Variants in RAB38 observed in about 807,000 individuals in gnomAD.
RAB38 encodes RAB38, member RAS oncogene family.
Under a neutral mutation model 18.4 loss-of-function variants are expected in RAB38, and 15 were observed. That is an observed-to-expected ratio of 0.82 (90% CI 0.55 to 1.26). RAB38 has a LOEUF of 1.26. Among genes scored for constraint, RAB38 ranks in the 50% most tolerant of loss-of-function variants. The pLI is 0.00. For synonymous variants in RAB38, 101 were observed against 104.4 expected, an observed-to-expected ratio of 0.97 and a Z score of 0.20; for missense variants, 294 against 267.4, an observed-to-expected ratio of 1.10 and a Z score of -0.69.
intron 2 of RAB38, among the ~76,000 whole-genome samples, chr11:88,118,298 C>T (rs1241932780): frequency 6.6e-6 from 1 of 152,158 alleles, no homozygotes; most frequent in Non-Finnish European, 1.5e-5. Flanking sequence ...TTCTATATAC[C>T]AATCAGGTCA....
chr11:87,966,771 C>G, the RAB38 span, among the ~76,000 whole-genome samples: 7 of 152,174 alleles, frequency 4.6e-5, no homozygotes, highest in African/African-American at 1.7e-4. Flanking sequence ...ACATTAAGTA[C>G]ATAATTTTAT....
At chr11:88,027,726 C>G in the RAB38 span, among the ~76,000 whole-genome samples, 2 of 152,210 alleles carry the variant, frequency 1.3e-5, no homozygotes, top group Admixed American at 6.5e-5. Flanking sequence ...TGGGAAGCTC[C>G]AACTGGGTGG....
At chr11:88,170,530 A>C (rs1048469928) in intron 1 of RAB38, among the ~76,000 whole-genome samples, 22 of 152,198 alleles carry the variant, frequency 1.4e-4, no homozygotes, top group African/African-American at 5.3e-4. Flanking sequence ...CAACATAACA[A>C]TGTGACCCAA....
chr11:87,970,847 G>T, the RAB38 span, among the ~76,000 whole-genome samples: 2 of 152,046 alleles, frequency 1.3e-5, no homozygotes, highest in Admixed American at 6.6e-5. Flanking sequence ...CCTTACATTT[G>T]GGGCTTTTGT....
the RAB38 span, among the ~76,000 whole-genome samples, chr11:87,948,600 C>G: frequency 1.3e-5 from 2 of 151,992 alleles, no homozygotes; most frequent in African/African-American, 4.8e-5. Context: ...GAGTTTTTAG[C>G]ATGAAGGGTT....
chr11:87,819,740 ATATATATATACGTGTATG>A, the RAB38 span, among the ~76,000 whole-genome samples: 5 of 129,578 alleles, frequency 3.9e-5, no homozygotes, highest in Non-Finnish European at 6.3e-5. Flanking sequence ...ATATGTGTAT[ATATATATATACGTGTATG>A]TATATATATG....
At chr11:88,035,021 C>A in the RAB38 span, among the ~76,000 whole-genome samples, 2,599 of 152,282 alleles carry the variant, frequency 0.017, 73 homozygotes, top group African/African-American at 0.06. Context: ...ATAACACTTT[C>A]TCTGGATGTG....
the RAB38 span, among the ~76,000 whole-genome samples, chr11:87,969,201 C>T: frequency 6.6e-6 from 1 of 152,048 alleles, no homozygotes; most frequent in East Asian, 1.9e-4. Context: ...AGGGCCTTTT[C>T]CAACTCGATA....
the RAB38 span, among the ~76,000 whole-genome samples, chr11:87,937,642 A>G: frequency 1.3e-5 from 2 of 151,860 alleles, no homozygotes; most frequent in Non-Finnish European, 2.9e-5. Flanking sequence ...TCTATTTTGT[A>G]TTAGGCGAGT....
chr11:88,105,453 G>T, the RAB38 span, among the ~76,000 whole-genome samples: 2 of 152,088 alleles, frequency 1.3e-5, no homozygotes, highest in Non-Finnish European at 2.9e-5. Context: ...CTGAACAAAT[G>T]AACAACAACA....
chr11:88,175,258 C>A lies in RAB38; in HGVS notation c.127G>T (p.Gly43Cys). 6.2e-7 allele frequency: 1 copy of A among 1,614,150 alleles called. No individual in the cohort carries two copies. Among genetic ancestry groups the A allele is most frequent in the Non-Finnish European group, 8.5e-7 (1 of 1,180,016 alleles). Residue 43 changes from glycine to cysteine, a missense_variant, in exon 1 of 3, where the codon GGC becomes TGC. By Grantham distance (159) the Gly-to-Cys change is radical. Coordinates refer to ENST00000243662, the MANE Select transcript of RAB38 (RefSeq NM_022337.3). ...AGCACCTTGAGCGCGAAGTCCACGCCGATTGTGGCCCGGTAGTGCGAAGAG... is the reference window on the plus strand; with the variant it reads ...AGCACCTTGAGCGCGAAGTCCACGCAGATTGTGGCCCGGTAGTGCGAAGAG... ...NFSSHYRATI[G>C]VDFALKVLHW...
intron 1 of RAB38, among the ~76,000 whole-genome samples, chr11:88,153,890 T>A (rs1175857439): frequency 6.6e-6 from 1 of 152,212 alleles, no homozygotes; most frequent in African/African-American, 2.4e-5. Context: ...AGATAGTGCA[T>A]AAAGACCAAT....
chr11:88,046,655 G>A, the RAB38 span, among the ~76,000 whole-genome samples: 1 of 152,142 alleles, frequency 6.6e-6, no homozygotes, highest in Admixed American at 6.5e-5. Context: ...TCTCCCTGCA[G>A]ATCGTGTCTG....
At chr11:88,086,978 TG>T in the RAB38 span, among the ~76,000 whole-genome samples, 34,172 of 151,784 alleles carry the variant, frequency 0.23, 4,959 homozygotes, top group African/African-American at 0.4. Context: ...GGGGACAAAT[TG>T]GAGGACGGCA....
At chr11:87,953,839 G>C in the RAB38 span, among the ~76,000 whole-genome samples, 1 of 151,268 alleles carries the variant, frequency 6.6e-6, no homozygotes, top group East Asian at 1.9e-4. Flanking sequence ...GCCCAAGATG[G>C]AATCTGTGTT....
chr11:87,977,081 A>C, the RAB38 span, among the ~76,000 whole-genome samples: 1 of 12,096 alleles, frequency 8.3e-5, no homozygotes, highest in African/African-American at 2.6e-4. Context: ...AAATATAATT[A>C]TATTATACAA....
chr11:88,134,903 C>T (rs537893245), intron 2 of RAB38, among the ~76,000 whole-genome samples: 1 of 152,178 alleles, frequency 6.6e-6, no homozygotes, highest in Admixed American at 6.5e-5. Context: ...CAGGACATCA[C>T]CTCTCTGACC....
At chr11:87,825,404 G>T in the RAB38 span, among the ~76,000 whole-genome samples, 331 of 152,150 alleles carry the variant, frequency 2.2e-3, no homozygotes, top group Non-Finnish European at 3.8e-3. Flanking sequence ...GAGGTGGGAA[G>T]TCCTTAAGGT....
chr11:88,020,984 T>C, the RAB38 span, among the ~76,000 whole-genome samples: 460 of 152,016 alleles, frequency 3.0e-3, 4 homozygotes, highest in African/African-American at 9.7e-3. Context: ...GAAAAGTGCC[T>C]ACATCAAAAA....
Sources: allele counts gnomAD v4.1 joint callset (sites outside exome capture counted in the v4.1 genomes callset), GRCh38; gene constraint gnomAD v4.1.1; transcripts MANE v1.5; gene names NCBI Gene and HGNC (gene_info 2026-07-23, HGNC 2026-07-21).